PCDHGB3: variants seen among roughly 807,000 people sequenced by gnomAD.
The protein encoded by PCDHGB3 is protocadherin gamma subfamily B, 3.
Under a neutral mutation model 59.2 loss-of-function variants are expected in PCDHGB3, and 40 were observed. The ratio of observed to expected loss-of-function variants is 0.68; its 90% confidence interval spans 0.52 to 0.88. The LOEUF (loss-of-function observed/expected upper bound fraction) is 0.88. Among genes scored for constraint, PCDHGB3 ranks in the 40% least tolerant of loss-of-function variants. The pLI, the probability that PCDHGB3 is intolerant of heterozygous loss-of-function variation, is 0.00. For synonymous variants in PCDHGB3, 581 were observed against 503.6 expected, an observed-to-expected ratio of 1.15 and a Z score of -2.06; for missense variants, 1,309 against 1,187.9, an observed-to-expected ratio of 1.10 and a Z score of -1.50.
chr5:141,476,357 C>G lies in PCDHGB3; in HGVS notation c.2416-18450C>G. On this transcript the variant is annotated intron_variant, in intron 1 of 3. Transcript: ENST00000576222. The surrounding 1 kb of genome is among the most constrained non-coding windows in gnomAD (Gnocchi z 7.6). ...TAGCCGAAGATTCTTTGAGGTGAAC[C>G]GGGAGACCGGAGAGATGTTTGTGAA... The G allele has an allele frequency of 6.2e-7, 1 of 1,614,052 alleles. No individual in the cohort carries two copies. Among genetic ancestry groups the G allele is most frequent in the South Asian group, 1.1e-5 (1 of 91,078 alleles).
In PCDHGB3 at chr5:141,485,013, C is replaced by A. The variant is rs551059588; in HGVS notation, c.2416-9794C>A. ...GTGAAAGGCAGACAAATCTACCCCG[C>A]CACCAGCAAAAACGGCGCGTAACCC... On this transcript the variant is annotated intron_variant, in intron 1 of 3. Coordinates refer to ENST00000576222, the MANE Select transcript of PCDHGB3 (RefSeq NM_018924.5). This position sits in a 1 kb window ranked among gnomAD's most constrained non-coding sequence, Gnocchi z 5.7. The A allele has an allele frequency of 6.3e-6, 4 of 634,556 alleles. No homozygotes were observed. Among genetic ancestry groups the A allele is most frequent in the South Asian group, 3.9e-5 (2 of 51,594 alleles). The allele number at this position is 634,556 out of a possible 1,614,324, so 39.3% of individuals were successfully genotyped here. A position where few individuals can be genotyped will look rare whatever the true frequency, so the allele number is the denominator to read the frequency against.
chr5:141,418,941 C>G, intron 1 of PCDHGB3: 1 of 1,614,034 alleles, frequency 6.2e-7, no homozygotes, highest in East Asian at 2.2e-5. Flanking sequence ...GAGGATTCCC[C>G]TCCAGGAGTG....
intron 1 of PCDHGB3, chr5:141,410,578 T>G: frequency 1.9e-6 from 3 of 1,610,984 alleles, no homozygotes; most frequent in Non-Finnish European, 2.5e-6. Context: ...TTCCACCTCA[T>G]GGTGGGGAGG....
At chr5:141,395,648 T>G (rs2093296043) in intron 1 of PCDHGB3, 1 of 167,156 alleles carries the variant, frequency 6.0e-6, no homozygotes, top group South Asian at 1.9e-4. Context: ...GTTATTAGCT[T>G]AGCAAAAGTA....
At chr5:141,497,050 G>T (rs113054804) in intron 2 of PCDHGB3, among the ~76,000 whole-genome samples, 5,544 of 152,084 alleles carry the variant, frequency 0.036, 137 homozygotes, top group South Asian at 0.074. Context: ...TTAGCCAGGC[G>T]TGGTGGCAGG....
intron 1 of PCDHGB3, chr5:141,392,823 C>A: frequency 6.3e-7 from 1 of 1,599,890 alleles, no homozygotes; most frequent in Non-Finnish European, 8.5e-7. Flanking sequence ...AATGGCCGCT[C>A]CACAGAGTCG....
At position 141,431,906 on chromosome 5, in the gene PCDHGB3, A is replaced by G; in HGVS notation, c.2415+59097A>G. 1 of 1,613,868 alleles carries G rather than the reference A, an allele frequency of 6.2e-7. No individual in the cohort carries two copies. Among genetic ancestry groups the G allele is most frequent in the Non-Finnish European group, 8.5e-7 (1 of 1,179,692 alleles). On this transcript the variant is annotated intron_variant, in intron 1 of 3. Transcript: ENST00000576222. This position sits in a 1 kb window ranked among gnomAD's most constrained non-coding sequence, Gnocchi z 4.8. ...AGATTCTGAGGAAAACGGACAGGTG[A>G]TCTGTTTCATCCAAGGAAATCTGCC...
chr5:141,445,376 A>T (rs1182418123), intron 1 of PCDHGB3, among the ~76,000 whole-genome samples: 1 of 152,220 alleles, frequency 6.6e-6, no homozygotes, highest in Non-Finnish European at 1.5e-5. Context: ...TGGGTGGTTC[A>T]TTCATTCATT....
chr5:141,398,740 CAG>C (rs759927246), intron 1 of PCDHGB3: 11 of 1,613,746 alleles, frequency 6.8e-6, no homozygotes, highest in Non-Finnish European at 1.7e-6. Context: ...CCGGGAACAA[CAG>C]AGTTACCATC....
chr5:141,426,565 T>G, intron 1 of PCDHGB3: 1 of 351,600 alleles, frequency 2.8e-6, no homozygotes, highest in Non-Finnish European at 5.7e-6. Flanking sequence ...AGATCGAGAG[T>G]CACTGTCTTC....
In PCDHGB3 at chr5:141,477,176, G is replaced by C. The variant is rs766547728; in HGVS notation, c.2416-17631G>C. On this transcript the variant is annotated intron_variant, in intron 1 of 3. Coordinates refer to ENST00000576222, the MANE Select transcript of PCDHGB3 (RefSeq NM_018924.5). This position sits in a 1 kb window ranked among gnomAD's most constrained non-coding sequence, Gnocchi z 4.9. ...GAATGACAACGCCCCGGAGATCACAGTCACCTCCGTGTACAGCCCAGTACC... is the reference window on the plus strand; with the variant it reads ...GAATGACAACGCCCCGGAGATCACACTCACCTCCGTGTACAGCCCAGTACC... The C allele has an allele frequency of 1.2e-6, 2 of 1,614,206 alleles. No individual in the cohort carries two copies. The highest frequency in any genetic ancestry group is 3.3e-5 in the Admixed American group (2 of 60,024).
At chr5:141,469,671 A>T (rs1285283342) in intron 1 of PCDHGB3, among the ~76,000 whole-genome samples, 3 of 152,236 alleles carry the variant, frequency 2.0e-5, no homozygotes, top group Admixed American at 1.3e-4. Flanking sequence ...TTCTAATAAA[A>T]CTACATATGC....
chr5:141,402,223 T>C (rs1329025694), intron 1 of PCDHGB3, among the ~76,000 whole-genome samples: 1 of 152,054 alleles, frequency 6.6e-6, no homozygotes, highest in Non-Finnish European at 1.5e-5. Context: ...AAATAAACGT[T>C]TTTCCAGGAA....
At chr5:141,413,658 T>G (rs2154544690) in intron 1 of PCDHGB3, 1 of 1,613,860 alleles carries the variant, frequency 6.2e-7, no homozygotes, top group East Asian at 2.2e-5. Flanking sequence ...TCCCGGAAGC[T>G]ATTGATCCGG....
chr5:141,394,336 A>C lies in PCDHGB3; in HGVS notation c.2415+21527A>C, dbSNP rs1205005872. On this transcript the variant is annotated intron_variant, in intron 1 of 3. Coordinates refer to ENST00000576222, the MANE Select transcript of PCDHGB3 (RefSeq NM_018924.5). ...CCCCTGTCCTCGTATATCTCCATCA[A>C]CTCTGACACCGGTGTCCTGTATGCG... 6.2e-7 allele frequency: 1 copy of C among 1,613,822 alleles called. No homozygotes were observed. The highest frequency in any genetic ancestry group is 1.1e-5 in the South Asian group (1 of 91,058).
chr5:141,399,346 GACCGAGAGCAA>G, intron 1 of PCDHGB3: 1 of 1,613,890 alleles, frequency 6.2e-7, no homozygotes, highest in Non-Finnish European at 8.5e-7. Flanking sequence ...TGGAACCCTA[GACCGAGAGCAA>G]ACCCCGGAGT....
In PCDHGB3 at chr5:141,374,330, A is replaced by G. The variant is rs774789215; in HGVS notation, c.2415+1521A>G. Reference sequence around the variant, plus strand: ...TTTCTCTCTGAATCCGCGAAACGGCAGCTTGGTCACCGCGGGTAGGATAGA... The same window carrying G: ...TTTCTCTCTGAATCCGCGAAACGGCGGCTTGGTCACCGCGGGTAGGATAGA... On this transcript the variant is annotated intron_variant, in intron 1 of 3. Coordinates refer to ENST00000576222, the MANE Select transcript of PCDHGB3 (RefSeq NM_018924.5). 138 of 1,613,872 alleles carry G rather than the reference A, an allele frequency of 8.6e-5. No homozygotes were observed. Among genetic ancestry groups the G allele is most frequent in the Non-Finnish European group, 1.1e-4 (130 of 1,179,866 alleles).
rs375597452 is a variant in PCDHGB3 at position 141,403,865 on chromosome 5, A to G, written c.2415+31056A>G. ...AAATACTGGGGAAATATCAACAGCA[A>G]AAAGTCTAGATTATGAAGAATGTTC... On this transcript the variant is annotated intron_variant, in intron 1 of 3. Transcript: ENST00000576222. 40 of 1,613,808 alleles carry G rather than the reference A, an allele frequency of 2.5e-5. No individual in the cohort carries two copies. The African/African-American group carries it at 5.2e-4, about 21-fold the overall frequency.
chr5:141,495,603 C>T (rs2099762369), intron 2 of PCDHGB3, among the ~76,000 whole-genome samples: 1 of 152,238 alleles, frequency 6.6e-6, no homozygotes, highest in Non-Finnish European at 1.5e-5. Flanking sequence ...TAGCTTCCGT[C>T]TTGATTGCTG....
Sources: allele counts gnomAD v4.1 joint callset (sites outside exome capture counted in the v4.1 genomes callset), GRCh38; gene constraint gnomAD v4.1.1; non-coding constraint Gnocchi (gnomAD v3.1); transcripts MANE v1.5; gene names NCBI Gene and HGNC (gene_info 2026-07-23, HGNC 2026-07-21).